Variants in DIAPH2 observed in about 807,000 individuals in gnomAD.
The protein encoded by DIAPH2 is protein diaphanous homolog 2.
DIAPH2 carries 35 observed loss-of-function variants against 92.7 expected under a neutral mutation model. The observed-to-expected ratio is 0.38, with a 90% CI of 0.29 to 0.50. The LOEUF is 0.50. DIAPH2 is among the 20% of genes least tolerant of loss of function. The probability of loss-of-function intolerance (pLI) is 0.94; values close to 1 mark genes in which losing one functional copy is unlikely to be tolerated. For synonymous variants in DIAPH2, 301 were observed against 280.4 expected (o/e 1.07, Z -0.73); for missense variants, 701 against 819.5 (o/e 0.86, Z 1.77).
intron 4 of DIAPH2, among the ~76,000 whole-genome samples, chrX:96,822,201 T>C (rs983415186): frequency 6.3e-5 from 7 of 111,789 alleles, no homozygotes; most frequent in Admixed American, 9.6e-5. Flanking sequence ...CCATCAAATT[T>C]ACATTAAACT....
chrX:97,423,067 C>G (rs1441176697), intron 25 of DIAPH2, among the ~76,000 whole-genome samples: 2 of 111,450 alleles, frequency 1.8e-5, no homozygotes, highest in Non-Finnish European at 3.8e-5. Context: ...GAAGGCAAAC[C>G]TAGGTGGATG....
chrX:97,166,827 A>G (rs1379607185), intron 22 of DIAPH2, among the ~76,000 whole-genome samples: 1 of 111,759 alleles, frequency 8.9e-6, no homozygotes, highest in Non-Finnish European at 1.9e-5. Context: ...CGGAACTACT[A>G]TCCTGAACTC....
chrX:96,995,383 A>G (rs994052424), intron 17 of DIAPH2, among the ~76,000 whole-genome samples: 1 of 111,688 alleles, frequency 9.0e-6, no homozygotes, highest in African/African-American at 3.3e-5. Context: ...GAAAGAATGA[A>G]TTGTTAAATC....
At chrX:97,073,170 C>A (rs779885732) in intron 18 of DIAPH2, 128 bp downstream of exon 18, 1 of 470,751 alleles carries the variant, frequency 2.1e-6, no homozygotes, top group Non-Finnish European at 3.5e-6. Context: ...AAACAAAATC[C>A]TGTGTAAACA....
rs1236084738 is a variant in DIAPH2 at position 97,378,007 on chromosome X, A to G, written c.3010-5902A>G. On this transcript the variant is annotated intron_variant, in intron 24 of 26. Transcript: ENST00000324765. ...CCAGAAAACTTAAAAAAAAAAATCTAAAAGCACAGTCTGAATTAAAGCAAA... is the reference window on the plus strand; with the variant it reads ...CCAGAAAACTTAAAAAAAAAAATCTGAAAGCACAGTCTGAATTAAAGCAAA... Among the ~76,000 whole-genome samples the G allele has an allele frequency of 9.9e-5, 11 of 111,254 alleles. No individual in the cohort carries two copies. In the Admixed American group the frequency reaches 1.1e-3, roughly 11 times the overall value.
chrX:96,793,238 G>C (rs2064513522), intron 4 of DIAPH2, among the ~76,000 whole-genome samples: 1 of 112,493 alleles, frequency 8.9e-6, no homozygotes, highest in Admixed American at 9.3e-5. Context: ...TCGGCTCACT[G>C]TATCCTCTGT....
intron 22 of DIAPH2, among the ~76,000 whole-genome samples, chrX:97,240,605 C>CAAAAAAAAAA (rs774748522): frequency 4.4e-5 from 3 of 67,991 alleles, no homozygotes; most frequent in African/African-American, 1.7e-4. Flanking sequence ...GACTGCATCT[C>CAAAAAAAAAA]AAAAAAAAAA....
At chrX:96,825,354 CTTTT>C (rs57788752) in intron 4 of DIAPH2, among the ~76,000 whole-genome samples, 7 of 82,589 alleles carry the variant, frequency 8.5e-5, no homozygotes, top group Non-Finnish European at 1.3e-4. Context: ...CATGTGTTTT[CTTTT>C]TTTTTTTTTT....
chrX:97,470,369 A>G (rs193178133), intron 26 of DIAPH2, among the ~76,000 whole-genome samples: 2 of 111,658 alleles, frequency 1.8e-5, no homozygotes, highest in Non-Finnish European at 3.8e-5. Flanking sequence ...ATATTTTTAT[A>G]TCTTTGCATG....
At chrX:97,144,954 A>G (rs1184910211) in intron 22 of DIAPH2, among the ~76,000 whole-genome samples, 1 of 110,772 alleles carries the variant, frequency 9.0e-6, no homozygotes, top group Non-Finnish European at 1.9e-5. Context: ...TTTAGTACAG[A>G]TGGGGTTTCA....
chrX:97,145,316 A>AGTAGTAGTAGTG (rs1555990387), intron 22 of DIAPH2, among the ~76,000 whole-genome samples: 5 of 107,108 alleles, frequency 4.7e-5, no homozygotes, highest in African/African-American at 1.0e-4. Flanking sequence ...TAGTAGTAGT[A>AGTAGTAGTAGTG]GTAGTAGTGG....
intron 13 of DIAPH2, among the ~76,000 whole-genome samples, chrX:96,944,603 A>T (rs190538757): frequency 1.7e-4 from 19 of 111,953 alleles, no homozygotes; most frequent in African/African-American, 5.2e-4. Context: ...TGCATTTTTT[A>T]AAATTTTATA....
chrX:97,222,409 G>T lies in DIAPH2; in HGVS notation c.2720-25306G>T, dbSNP rs749961554. 3.6e-5 allele frequency among the ~76,000 whole-genome samples: 4 copies of T among 111,796 alleles called. No individual in the cohort carries two copies. The East Asian group carries it at 1.1e-3, about 32-fold the overall frequency. On this transcript the variant is annotated intron_variant, in intron 22 of 26. Transcript: ENST00000324765. ...AGTAGAGACGGGGTTTCACCATGGT[G>T]GCCAGGCTGGCCTCAAATTCCTGAC...
intron 23 of DIAPH2, among the ~76,000 whole-genome samples, chrX:97,308,042 A>G (rs2068762528): frequency 9.0e-6 from 1 of 110,714 alleles, no homozygotes. Flanking sequence ...TTTGGGGAGT[A>G]TTTGTGCTTC....
At chrX:96,693,891 T>C (rs1352019686) in intron 1 of DIAPH2, among the ~76,000 whole-genome samples, 2 of 111,418 alleles carry the variant, frequency 1.8e-5, no homozygotes, top group Non-Finnish European at 3.8e-5. Context: ...AAAAATTAGC[T>C]GTGCATGATG....
intron 19 of DIAPH2, among the ~76,000 whole-genome samples, chrX:97,081,250 T>C (rs1313253321): frequency 9.0e-6 from 1 of 111,663 alleles, no homozygotes; most frequent in Non-Finnish European, 1.9e-5. Flanking sequence ...CTTAAATAGG[T>C]GATTAAAAAT....
intron 4 of DIAPH2, among the ~76,000 whole-genome samples, chrX:96,804,049 T>G (rs1237435103): frequency 9.0e-6 from 1 of 111,638 alleles, no homozygotes; most frequent in African/African-American, 3.3e-5. Flanking sequence ...TGCTTTCTAC[T>G]TATCTGTACC....
At position 96,770,706 on chromosome X, in the gene DIAPH2, A is replaced by C. The variant is rs765253512; in HGVS notation, c.447+12448A>C. Among the ~76,000 whole-genome samples, 6 of 112,094 alleles carry C rather than the reference A, an allele frequency of 5.4e-5. No homozygotes were observed. The South Asian group carries it at 2.2e-3, about 41-fold the overall frequency. Reference sequence around the variant, plus strand: ...ATCTAAATTCAGTCAGAATAAAAATAATGCCATTATTTTAAACTAGCATAT... The same window carrying C: ...ATCTAAATTCAGTCAGAATAAAAATCATGCCATTATTTTAAACTAGCATAT... On this transcript the variant is annotated intron_variant, in intron 4 of 26. Transcript: ENST00000324765.
chrX:97,118,095 G>A (rs2067029134), intron 21 of DIAPH2, among the ~76,000 whole-genome samples: 1 of 111,373 alleles, frequency 9.0e-6, no homozygotes, highest in African/African-American at 3.3e-5. Flanking sequence ...GTATCAGAAC[G>A]TGACTCTGCC....
Sources: allele counts gnomAD v4.1 joint callset (sites outside exome capture counted in the v4.1 genomes callset), GRCh38; gene constraint gnomAD v4.1.1; transcripts MANE v1.5; gene names NCBI Gene and HGNC (gene_info 2026-07-23, HGNC 2026-07-21).